Variants in TENM2 observed in about 807,000 individuals in gnomAD.
TENM2 encodes teneurin-2.
In TENM2, 52 loss-of-function variants were observed where a neutral mutation model predicts 245.2. The observed-to-expected ratio is 0.21, with a 90% CI of 0.17 to 0.27. TENM2 has a LOEUF of 0.27. Ranked by LOEUF, TENM2 falls within the 10% of genes least tolerant of loss-of-function variation. The pLI is 1.00. For missense variants in TENM2, 3,046 were observed against 3,666.8 expected, an observed-to-expected ratio of 0.83 and a Z score of 4.37; for synonymous variants, 1,363 against 1,438.9, an observed-to-expected ratio of 0.95 and a Z score of 1.19.
intron 2 of TENM2, among the ~76,000 whole-genome samples, chr5:167,485,722 C>G (rs561287002): frequency 1.4e-4 from 21 of 152,078 alleles, no homozygotes; most frequent in South Asian, 6.2e-4. Context: ...CCTAAATACC[C>G]CGACAAGTTG....
At chr5:167,289,998 G>A (rs1276698391) in intron 1 of TENM2, among the ~76,000 whole-genome samples, 2 of 152,196 alleles carry the variant, frequency 1.3e-5, no homozygotes, top group African/African-American at 4.8e-5. Flanking sequence ...AATGTACCTT[G>A]AGAAGATTGC....
At chr5:168,009,021 T>C (rs550750374) in intron 5 of TENM2, among the ~76,000 whole-genome samples, 6 of 152,302 alleles carry the variant, frequency 3.9e-5, no homozygotes, top group East Asian at 1.9e-4. Context: ...GAGAGCAGAA[T>C]TGGGTAAAAA....
exon 29 of TENM2, chr5:168,262,481 A>G: frequency 6.4e-7 from 1 of 1,560,450 alleles, no homozygotes; most frequent in Non-Finnish European, 8.7e-7. Context: ...TCGAAGGTTC[A>G]CGAACATTGA....
chr5:167,438,797 A>T (rs1764721631), intron 2 of TENM2, among the ~76,000 whole-genome samples: 6 of 151,504 alleles, frequency 4.0e-5, no homozygotes. Context: ...TTTTTGTTTG[A>T]TAGTTTGCTT....
intron 13 of TENM2, among the ~76,000 whole-genome samples, chr5:168,179,821 T>TTA (rs1303680587): frequency 6.6e-6 from 1 of 152,178 alleles, no homozygotes; most frequent in African/African-American, 2.4e-5. Context: ...GGTGGTGTCT[T>TTA]AATAAAGGCA....
intron 3 of TENM2, among the ~76,000 whole-genome samples, chr5:167,950,414 A>G (rs753715027): frequency 1.8e-4 from 28 of 152,118 alleles, no homozygotes; most frequent in Non-Finnish European, 3.5e-4. Flanking sequence ...TAAATCCTTT[A>G]TATGGCCTCT....
chr5:168,225,761 CAAAAA>C (rs567948197), intron 23 of TENM2, among the ~76,000 whole-genome samples: 3 of 57,130 alleles, frequency 5.3e-5, no homozygotes, highest in Non-Finnish European at 1.2e-4. Context: ...TCCATCATCT[CAAAAA>C]AAAAAAAAAA....
At chr5:168,256,458 C>T (rs1003597835) in intron 27 of TENM2, among the ~76,000 whole-genome samples, 2 of 142,778 alleles carry the variant, frequency 1.4e-5, no homozygotes, top group South Asian at 4.4e-4. Flanking sequence ...CGGAGTCTTG[C>T]TCTGTTGCCC....
At chr5:167,305,527 G>A (rs1755621626) in intron 1 of TENM2, among the ~76,000 whole-genome samples, 1 of 152,148 alleles carries the variant, frequency 6.6e-6, no homozygotes, top group Non-Finnish European at 1.5e-5. Context: ...AAAAAACCAG[G>A]AAATATAGAA....
At chr5:168,234,389 T>C (rs1282241397) in intron 25 of TENM2, among the ~76,000 whole-genome samples, 2 of 152,142 alleles carry the variant, frequency 1.3e-5, no homozygotes. Context: ...TGACCATACC[T>C]GTATCTTATA....
intron 3 of TENM2, among the ~76,000 whole-genome samples, chr5:167,892,031 G>C (rs1774801603): frequency 6.6e-6 from 1 of 152,112 alleles, no homozygotes; most frequent in South Asian, 2.1e-4. Context: ...ATATTTTATT[G>C]TATTCTGTTG....
chr5:167,032,259 A>G, the TENM2 span, among the ~76,000 whole-genome samples: 56,089 of 152,154 alleles, frequency 0.37, 12,423 homozygotes, highest in South Asian at 0.55. Flanking sequence ...ATAAGCCACA[A>G]CAGAGAGCAG....
chr5:167,948,040 G>A (rs1254000248), intron 3 of TENM2, among the ~76,000 whole-genome samples: 2 of 152,110 alleles, frequency 1.3e-5, no homozygotes, highest in African/African-American at 4.8e-5. Flanking sequence ...GTTTATTTAG[G>A]CAGAATGCAA....
intron 2 of TENM2, among the ~76,000 whole-genome samples, chr5:167,380,305 A>G (rs1761022331): frequency 6.6e-6 from 1 of 152,196 alleles, no homozygotes; most frequent in Non-Finnish European, 1.5e-5. Context: ...GGCAAAATGT[A>G]AGAATATCAC....
intron 6 of TENM2, among the ~76,000 whole-genome samples, chr5:168,050,703 G>A (rs1301359853): frequency 2.6e-5 from 4 of 152,194 alleles, no homozygotes; most frequent in Non-Finnish European, 5.9e-5. Context: ...TCAGGTTTGG[G>A]AACAAGTCTA....
chr5:167,065,331 A>G, the TENM2 span, among the ~76,000 whole-genome samples: 1 of 152,176 alleles, frequency 6.6e-6, no homozygotes, highest in African/African-American at 2.4e-5. Flanking sequence ...TATATATATG[A>G]CATTTGGTAT....
intron 3 of TENM2, among the ~76,000 whole-genome samples, chr5:167,885,005 A>T (rs770439421): frequency 2.6e-5 from 4 of 152,172 alleles, no homozygotes; most frequent in Non-Finnish European, 4.4e-5. Context: ...TCTAATGATT[A>T]GTTCTTTTCA....
At chr5:167,283,636 G>A (rs1771179842), upstream of TENM2, among the ~76,000 whole-genome samples, 1 of 152,232 alleles carries the variant, frequency 6.6e-6, no homozygotes, top group Non-Finnish European at 1.5e-5. Flanking sequence ...TGAGGAGGCA[G>A]TGAGCAACAG....
intron 2 of TENM2, among the ~76,000 whole-genome samples, chr5:167,862,269 GC>G (rs1771891814): frequency 6.7e-6 from 1 of 149,460 alleles, no homozygotes; most frequent in South Asian, 2.1e-4. Flanking sequence ...GTGTGTGTGT[GC>G]ATATGTACAT....
Sources: gnomAD v4.1 joint callset for allele counts (sites outside exome capture counted in the v4.1 genomes callset) on GRCh38, gnomAD v4.1.1 for gene constraint, MANE v1.5 for transcripts, NCBI Gene and HGNC (gene_info 2026-07-23, HGNC 2026-07-21) for gene names.